Variants in RGS7 observed in about 807,000 individuals in gnomAD.
RGS7 encodes regulator of G-protein signaling 7.
RGS7 carries 27 observed loss-of-function variants against 81.1 expected under a neutral mutation model. The observed-to-expected ratio is 0.33, with a 90% CI of 0.25 to 0.46. The LOEUF (loss-of-function observed/expected upper bound fraction) is 0.46, where lower values mean the gene tolerates loss of function less well. Ranked by LOEUF, RGS7 falls within the 20% of genes least tolerant of loss-of-function variation. The probability of loss-of-function intolerance (pLI) is 1.00; values close to 1 mark genes in which losing one functional copy is unlikely to be tolerated. For synonymous variants in RGS7, 208 were observed against 207.7 expected, an observed-to-expected ratio of 1.00 and a Z score of -0.01; for missense variants, 396 against 607.4, an observed-to-expected ratio of 0.65 and a Z score of 3.66.
At chr1:241,327,122 G>GA (rs1197656382) in intron 2 of RGS7, among the ~76,000 whole-genome samples, 5 of 110,172 alleles carry the variant, frequency 4.5e-5, no homozygotes, top group African/African-American at 1.8e-4. Flanking sequence ...AAGAAAGAAA[G>GA]AAAGAAAGAA....
chr1:240,909,075 G>A (rs1408831818), intron 6 of RGS7, among the ~76,000 whole-genome samples: 1 of 152,148 alleles, frequency 6.6e-6, no homozygotes. Flanking sequence ...ACACGTCCTT[G>A]GATAATTGGG....
chr1:240,998,812 G>T (rs956195504), intron 3 of RGS7: 77 of 627,510 alleles, frequency 1.2e-4, no homozygotes, highest in Non-Finnish European at 3.3e-5. Flanking sequence ...GTGAGTGTGG[G>T]GCTGGCGCTG....
chr1:241,087,443 A>C (rs1223228034), intron 3 of RGS7, among the ~76,000 whole-genome samples: 1 of 152,216 alleles, frequency 6.6e-6, no homozygotes, highest in East Asian at 1.9e-4. Context: ...AAAAAGTATA[A>C]TTATTATTCA....
chr1:241,018,114 G>A (rs2059355286), intron 3 of RGS7, among the ~76,000 whole-genome samples: 1 of 148,948 alleles, frequency 6.7e-6, no homozygotes, highest in African/African-American at 2.5e-5. Context: ...TTACAGGCAT[G>A]CACCACCATG....
chr1:241,293,469 T>C (rs911312148), intron 2 of RGS7, among the ~76,000 whole-genome samples: 1 of 152,140 alleles, frequency 6.6e-6, no homozygotes, highest in Non-Finnish European at 1.5e-5. Context: ...GACAGCTCCA[T>C]GCCTATTACT....
chr1:240,797,598 C>G (rs572299228), intron 18 of RGS7, among the ~76,000 whole-genome samples: 2 of 152,102 alleles, frequency 1.3e-5, no homozygotes, highest in African/African-American at 2.4e-5. Flanking sequence ...GTGATCCACC[C>G]GCCTCGGCCT....
At chr1:240,991,221 T>A (rs984255843) in intron 3 of RGS7, among the ~76,000 whole-genome samples, 4 of 152,256 alleles carry the variant, frequency 2.6e-5, no homozygotes, top group African/African-American at 9.6e-5. Context: ...AGATTTTTAA[T>A]CTTTGTTGTG....
intron 2 of RGS7, among the ~76,000 whole-genome samples, chr1:241,100,725 T>C (rs1479805108): frequency 6.6e-6 from 1 of 152,190 alleles, no homozygotes; most frequent in Non-Finnish European, 1.5e-5. Context: ...TGGGGTAAAG[T>C]ATTTTAAGGG....
At chr1:240,951,449 G>A (rs989336065) in intron 4 of RGS7, among the ~76,000 whole-genome samples, 1 of 152,008 alleles carries the variant, frequency 6.6e-6, no homozygotes, top group Admixed American at 6.6e-5. Flanking sequence ...AAAGATATTC[G>A]AAGAAAGAAT....
intron 2 of RGS7, among the ~76,000 whole-genome samples, chr1:241,208,781 T>A (rs1391386512): frequency 1.3e-5 from 2 of 152,202 alleles, no homozygotes; most frequent in Non-Finnish European, 2.9e-5. Context: ...AAGAGATTTC[T>A]TTGTTTCTCT....
At chr1:241,178,580 G>A (rs1453061374) in intron 2 of RGS7, among the ~76,000 whole-genome samples, 1 of 152,148 alleles carries the variant, frequency 6.6e-6, no homozygotes, top group African/African-American at 2.4e-5. Flanking sequence ...GAACACAGAA[G>A]CCAAGAAAAG....
intron 4 of RGS7, among the ~76,000 whole-genome samples, chr1:240,967,515 C>A (rs1026922113): frequency 2.0e-5 from 3 of 151,432 alleles, no homozygotes; most frequent in African/African-American, 7.3e-5. Flanking sequence ...CTGCGTAATA[C>A]CCCGGGCACA....
intron 2 of RGS7, among the ~76,000 whole-genome samples, chr1:241,219,608 G>A (rs2074777501): frequency 1.3e-5 from 2 of 152,102 alleles, no homozygotes; most frequent in Non-Finnish European, 2.9e-5. Context: ...CCCAGTACAG[G>A]AATGACACCC....
chr1:240,828,753 C>T (rs748425948), intron 9 of RGS7, among the ~76,000 whole-genome samples: 11 of 152,332 alleles, frequency 7.2e-5, no homozygotes, highest in African/African-American at 1.2e-4. Flanking sequence ...CGCCAATGCA[C>T]GCTAGCCTGG....
intron 2 of RGS7, among the ~76,000 whole-genome samples, chr1:241,306,484 G>A (rs933212857): frequency 8.6e-5 from 12 of 140,110 alleles, no homozygotes; most frequent in East Asian, 2.1e-4. Context: ...ACACACACAC[G>A]CACACATTGT....
chr1:241,096,228 G>T (rs2102871044), intron 3 of RGS7, among the ~76,000 whole-genome samples: 1 of 152,182 alleles, frequency 6.6e-6, no homozygotes, highest in East Asian at 1.9e-4. Flanking sequence ...AGCTGGGAAA[G>T]CCAGCAGTCC....
intron 6 of RGS7, among the ~76,000 whole-genome samples, chr1:240,922,721 G>A (rs1233434303): frequency 6.6e-6 from 1 of 152,064 alleles, no homozygotes; most frequent in Non-Finnish European, 1.5e-5. Context: ...AACACTAAAT[G>A]CTGGTAAGGA....
At chr1:241,126,905 T>C (rs1362227579) in intron 2 of RGS7, among the ~76,000 whole-genome samples, 3 of 151,978 alleles carry the variant, frequency 2.0e-5, no homozygotes, top group African/African-American at 7.3e-5. Flanking sequence ...TATATCACCA[T>C]ACTATTGTTC....
At chr1:240,819,422 A>T (rs1691380939) in intron 10 of RGS7, among the ~76,000 whole-genome samples, 1 of 152,206 alleles carries the variant, frequency 6.6e-6, no homozygotes, top group Non-Finnish European at 1.5e-5. Flanking sequence ...TTCAACATTT[A>T]TGCATTTCCT....
Sources: allele counts gnomAD v4.1 joint callset (sites outside exome capture counted in the v4.1 genomes callset), GRCh38; gene constraint gnomAD v4.1.1; transcripts MANE v1.5; gene names NCBI Gene and HGNC (gene_info 2026-07-23, HGNC 2026-07-21).